Variants in ADARB2 observed in about 807,000 individuals in gnomAD.
ADARB2 encodes adenosine deaminase RNA specific B2 (inactive).
In ADARB2, 25 loss-of-function variants were observed where a neutral mutation model predicts 62.2. That is an observed-to-expected ratio of 0.40 (90% CI 0.29 to 0.56). The LOEUF (loss-of-function observed/expected upper bound fraction) is 0.56. ADARB2 is among the 20% of genes least tolerant of loss of function. The probability of loss-of-function intolerance (pLI) is 0.43; values close to 1 mark genes in which losing one functional copy is unlikely to be tolerated. For synonymous variants in ADARB2, 572 were observed against 500.8 expected, an observed-to-expected ratio of 1.14 and a Z score of -1.90; for missense variants, 1,071 against 1,077.4, an observed-to-expected ratio of 0.99 and a Z score of 0.08.
At chr10:1,429,940 G>C (rs1323141723) in intron 1 of ADARB2, among the ~76,000 whole-genome samples, 1 of 152,000 alleles carries the variant, frequency 6.6e-6, no homozygotes, top group Non-Finnish European at 1.5e-5. Flanking sequence ...TAACAGCTAA[G>C]GGAATTTCTC....
intron 1 of ADARB2, among the ~76,000 whole-genome samples, chr10:1,444,693 C>T (rs981768942): frequency 2.0e-5 from 3 of 150,696 alleles, no homozygotes; most frequent in African/African-American, 7.3e-5. Flanking sequence ...CCCACTCACT[C>T]ATTCATCCAT....
intron 1 of ADARB2, among the ~76,000 whole-genome samples, chr10:1,403,717 G>A (rs868317706): frequency 6.6e-6 from 1 of 152,152 alleles, no homozygotes; most frequent in Non-Finnish European, 1.5e-5. Flanking sequence ...GGACCCACTC[G>A]GCCTGCAGCA....
chr10:1,189,223 G>A (rs1329681232), intron 8 of ADARB2, among the ~76,000 whole-genome samples: 1 of 152,064 alleles, frequency 6.6e-6, no homozygotes, highest in Non-Finnish European at 1.5e-5. Context: ...GGAGCCTTCT[G>A]CTCATGTGTG....
intron 1 of ADARB2, among the ~76,000 whole-genome samples, chr10:1,588,248 A>T (rs534264529): frequency 6.6e-5 from 10 of 152,278 alleles, no homozygotes; most frequent in African/African-American, 2.2e-4. Flanking sequence ...AAAGCTGCCC[A>T]GCCCAGGCCT....
chr10:1,715,468 A>G (rs946992241), intron 1 of ADARB2, among the ~76,000 whole-genome samples: 16 of 148,788 alleles, frequency 1.1e-4, no homozygotes, highest in Admixed American at 3.3e-4. Context: ...TTAATATTAA[A>G]TGTGATTTAA....
At chr10:1,620,420 A>C (rs1489053285) in intron 1 of ADARB2, among the ~76,000 whole-genome samples, 1 of 152,232 alleles carries the variant, frequency 6.6e-6, no homozygotes. Context: ...GCAGATTTCC[A>C]AAAATGACTA....
chr10:1,553,793 C>T (rs1832662751), intron 1 of ADARB2, among the ~76,000 whole-genome samples: 2 of 152,168 alleles, frequency 1.3e-5, no homozygotes, highest in South Asian at 4.1e-4. Context: ...AGCGCAGCGA[C>T]CGTGGCAGGA....
At position 1,659,557 on chromosome 10, in the gene ADARB2, G is replaced by A. The variant is rs117720746; in HGVS notation, c.100+77494C>T. On this transcript the variant is annotated intron_variant, in intron 1 of 9. Coordinates refer to ENST00000381312, the MANE Select transcript of ADARB2 (RefSeq NM_018702.4). Reference sequence around the variant, plus strand: ...GGTCACTTTAGTCTGAATTCTCAGCGCGTCTCCAGCTGCAGAACGATGAGG... The same window carrying A: ...GGTCACTTTAGTCTGAATTCTCAGCACGTCTCCAGCTGCAGAACGATGAGG... Among the ~76,000 whole-genome samples the A allele has an allele frequency of 3.2e-4, 49 of 152,360 alleles. 1 individual carries two copies. In the East Asian group the frequency reaches 8.1e-3, roughly 25 times the overall value.
At chr10:1,440,014 C>A (rs548010639) in intron 1 of ADARB2, among the ~76,000 whole-genome samples, 27 of 150,244 alleles carry the variant, frequency 1.8e-4, no homozygotes, top group Admixed American at 1.5e-3. Flanking sequence ...AGGACTGAGG[C>A]AGGTCCTTCA....
chr10:1,421,382 G>A (rs1051662944), intron 1 of ADARB2, among the ~76,000 whole-genome samples: 2 of 152,024 alleles, frequency 1.3e-5, no homozygotes, highest in Non-Finnish European at 1.5e-5. Context: ...CTGGCTTCTT[G>A]CGATTTCACA....
chr10:1,564,654 G>GA (rs1397304719), intron 1 of ADARB2, among the ~76,000 whole-genome samples: 2 of 152,008 alleles, frequency 1.3e-5, no homozygotes, highest in African/African-American at 4.8e-5. Flanking sequence ...AAAAACACAT[G>GA]AAAAAATGCT....
intron 1 of ADARB2, among the ~76,000 whole-genome samples, chr10:1,409,943 T>C (rs1219860976): frequency 5.6e-5 from 3 of 53,906 alleles, no homozygotes; most frequent in African/African-American, 1.1e-4. Context: ...GGAAGGATTC[T>C]CAGTGGTGCC....
chr10:1,206,280 C>T (rs926593228), intron 7 of ADARB2, among the ~76,000 whole-genome samples: 3 of 152,180 alleles, frequency 2.0e-5, no homozygotes, highest in African/African-American at 4.8e-5. Context: ...AAGCCGGCTA[C>T]CTGCGCGGGG....
At chr10:1,265,492 A>G (rs550081918) in intron 4 of ADARB2, among the ~76,000 whole-genome samples, 1 of 152,378 alleles carries the variant, frequency 6.6e-6, no homozygotes, top group Non-Finnish European at 1.5e-5. Context: ...CTACTGTGTG[A>G]TGGAGAGAAG....
intron 1 of ADARB2, among the ~76,000 whole-genome samples, chr10:1,599,544 G>A (rs572894795): frequency 2.0e-5 from 3 of 152,228 alleles, no homozygotes; most frequent in South Asian, 2.1e-4. Flanking sequence ...CTGAAGAGCC[G>A]TTAATTAATA....
intron 6 of ADARB2, among the ~76,000 whole-genome samples, chr10:1,229,845 C>T (rs1015814182): frequency 2.3e-3 from 280 of 120,188 alleles, no homozygotes; most frequent in African/African-American, 0.011. Flanking sequence ...CATGTGCTTA[C>T]GTGTGTGTGT....
At chr10:1,266,511 T>TGGG (rs782182369) in intron 4 of ADARB2, among the ~76,000 whole-genome samples, 1 of 128,442 alleles carries the variant, frequency 7.8e-6, no homozygotes, top group African/African-American at 3.1e-5. Context: ...TGGTGGGGGG[T>TGGG]GGGGGGGGGG....
chr10:1,578,742 G>A (rs956211109), intron 1 of ADARB2, among the ~76,000 whole-genome samples: 5 of 16,906 alleles, frequency 3.0e-4, no homozygotes, highest in Non-Finnish European at 3.5e-3. Flanking sequence ...CATTCACGCC[G>A]CACACAGGTA....
chr10:1,335,260 A>G (rs1305927016), intron 3 of ADARB2, among the ~76,000 whole-genome samples: 1 of 149,914 alleles, frequency 6.7e-6, no homozygotes, highest in Non-Finnish European at 1.5e-5. Flanking sequence ...GGAGGGATGG[A>G]TAGAAGGATG....
Sources: gnomAD v4.1 joint callset for allele counts (sites outside exome capture counted in the v4.1 genomes callset) on GRCh38, gnomAD v4.1.1 for gene constraint, MANE v1.5 for transcripts, NCBI Gene and HGNC (gene_info 2026-07-23, HGNC 2026-07-21) for gene names.